The following ENOX2 variants were observed in gnomAD, a reference collection of about 807,000 sequenced individuals.
ENOX2 encodes APK1 antigen.
Under a neutral mutation model 45.0 loss-of-function variants are expected in ENOX2, and 36 were observed. The observed-to-expected ratio is 0.80, with a 90% CI of 0.61 to 1.06. The LOEUF (loss-of-function observed/expected upper bound fraction) is 1.06, where lower values mean the gene tolerates loss of function less well. Among genes scored for constraint, ENOX2 ranks in the 50% least tolerant of loss-of-function variants. The pLI, the probability that ENOX2 is intolerant of heterozygous loss-of-function variation, is 0.00. For synonymous variants in ENOX2, 174 were observed against 152.3 expected (o/e 1.14, Z -1.05); for missense variants, 423 against 462.5 (o/e 0.91, Z 0.78).
chrX:130,813,749 AC>A (rs1401940601), intron 2 of ENOX2, among the ~76,000 whole-genome samples: 5 of 111,995 alleles, frequency 4.5e-5, no homozygotes, highest in African/African-American at 1.6e-4. Context: ...GGTCTTCACA[AC>A]CCGCAGACAA....
chrX:130,875,744 G>A (rs1014167005), intron 2 of ENOX2, among the ~76,000 whole-genome samples: 3 of 111,572 alleles, frequency 2.7e-5, no homozygotes, highest in Non-Finnish European at 5.7e-5. Context: ...AAGTTAAGCA[G>A]TGGTTTATTA....
chrX:130,681,608 T>A (rs1256516091), intron 5 of ENOX2, among the ~76,000 whole-genome samples: 1 of 111,746 alleles, frequency 8.9e-6, no homozygotes, highest in Non-Finnish European at 1.9e-5. Flanking sequence ...ACTGACTGTA[T>A]AACCTTGGGA....
chrX:130,781,787 T>C (rs933073402), intron 3 of ENOX2, among the ~76,000 whole-genome samples: 5 of 110,991 alleles, frequency 4.5e-5, no homozygotes, highest in African/African-American at 1.3e-4. Flanking sequence ...GGTTTTGTTG[T>C]TGTTGTTGTT....
At chrX:130,666,868 A>G (rs980864471) in intron 8 of ENOX2, among the ~76,000 whole-genome samples, 1 of 112,075 alleles carries the variant, frequency 8.9e-6, no homozygotes, top group Non-Finnish European at 1.9e-5. Context: ...TCTTACTGAA[A>G]AAATAAGAGT....
At chrX:130,901,223 G>A in intron 2 of ENOX2, among the ~76,000 whole-genome samples, 1 of 112,523 alleles carries the variant, frequency 8.9e-6, no homozygotes, top group Non-Finnish European at 1.9e-5. Flanking sequence ...CAACTGGAAA[G>A]TCAAGAACAA....
intron 6 of ENOX2, among the ~76,000 whole-genome samples, chrX:130,675,160 T>C (rs1245159977): frequency 9.0e-6 from 1 of 110,878 alleles, no homozygotes; most frequent in East Asian, 2.8e-4. Context: ...GGTCAAATGG[T>C]ATTTCTAGTT....
intron 13 of ENOX2, among the ~76,000 whole-genome samples, chrX:130,628,620 C>G (rs1279130805): frequency 8.9e-6 from 1 of 112,503 alleles, no homozygotes; most frequent in Non-Finnish European, 1.9e-5. Flanking sequence ...TTGTGAACAG[C>G]TCTGTAAAGA....
intron 2 of ENOX2, among the ~76,000 whole-genome samples, chrX:130,844,367 T>C (rs1221640928): frequency 9.0e-6 from 1 of 111,279 alleles, no homozygotes; most frequent in African/African-American, 3.3e-5. Context: ...GGCCACTATA[T>C]TTTGTGCATG....
intron 6 of ENOX2, among the ~76,000 whole-genome samples, chrX:130,670,632 C>T (rs1487810360): frequency 9.1e-6 from 1 of 109,559 alleles, no homozygotes; most frequent in African/African-American, 3.3e-5. Flanking sequence ...TATACTATCA[C>T]AAAGATTTTG....
At chrX:130,722,286 C>A (rs183761358) in intron 3 of ENOX2, among the ~76,000 whole-genome samples, 6 of 112,037 alleles carry the variant, frequency 5.4e-5, no homozygotes, top group Admixed American at 2.8e-4. Context: ...CCAGGGGCAG[C>A]ATTTCTCAGA....
intron 2 of ENOX2, among the ~76,000 whole-genome samples, chrX:130,862,596 G>A (rs1480309531): frequency 2.7e-5 from 3 of 110,549 alleles, no homozygotes; most frequent in Non-Finnish European, 5.7e-5. Flanking sequence ...GGGTGTATGT[G>A]GGTGGGTGTG....
chrX:130,720,370 G>A (rs1205826297), intron 3 of ENOX2, among the ~76,000 whole-genome samples: 8 of 112,606 alleles, frequency 7.1e-5, no homozygotes, highest in Non-Finnish European at 7.5e-5. Flanking sequence ...AAGAATTTGG[G>A]TTATAAAGGG....
intron 2 of ENOX2, among the ~76,000 whole-genome samples, chrX:130,787,645 T>C (rs1316967658): frequency 1.8e-5 from 2 of 111,829 alleles, no homozygotes; most frequent in Non-Finnish European, 3.8e-5. Flanking sequence ...ATTATAATTA[T>C]GCTTGCCCTT....
chrX:130,878,263 T>C (rs1345781025), intron 2 of ENOX2, among the ~76,000 whole-genome samples: 5 of 112,217 alleles, frequency 4.5e-5, no homozygotes, highest in Non-Finnish European at 9.4e-5. Flanking sequence ...TTTCCTTTTA[T>C]TTTAACTAGC....
Position 130,631,615 on chromosome X carries a change from T to C in ENOX2, c.1420-39A>G, listed in dbSNP as rs371735728. The C allele has an allele frequency of 6.4e-5, 53 of 821,857 alleles. No homozygotes were observed. The African/African-American group carries it at 9.9e-4, about 15-fold the overall frequency. The allele number at this position is 821,857 out of a possible 1,213,427, so 67.7% of individuals were successfully genotyped here. A position where few individuals can be genotyped will look rare whatever the true frequency, so the allele number is the denominator to read the frequency against. ...ATGCTTCTAGGTCAGTTCACTTTAT[T>C]TGGCAATAGAGTTGGTTTCAATTAA... On this transcript the variant is annotated intron_variant, in intron 12 of 14. Coordinates refer to ENST00000394363, the MANE Select transcript of ENOX2 (RefSeq NM_006375.4).
intron 3 of ENOX2, among the ~76,000 whole-genome samples, chrX:130,777,843 G>GT (rs1379351687): frequency 8.9e-6 from 1 of 111,925 alleles, no homozygotes; most frequent in Non-Finnish European, 1.9e-5. Context: ...TGATCCTCCA[G>GT]TTTTCAAGAT....
At chrX:130,689,348 C>T (rs1360829580) in intron 4 of ENOX2, among the ~76,000 whole-genome samples, 1 of 111,392 alleles carries the variant, frequency 9.0e-6, no homozygotes, top group East Asian at 2.8e-4. Context: ...TCCGAGAAGG[C>T]TTTTTACTGT....
chrX:130,733,542 C>CA (rs1444472529), intron 3 of ENOX2, among the ~76,000 whole-genome samples: 1 of 111,793 alleles, frequency 8.9e-6, no homozygotes, highest in African/African-American at 3.3e-5. Flanking sequence ...TTTATAATAG[C>CA]AAAAAACTGG....
intron 2 of ENOX2, among the ~76,000 whole-genome samples, chrX:130,820,056 G>A (rs1489207968): frequency 8.9e-6 from 1 of 111,794 alleles, no homozygotes; most frequent in East Asian, 2.8e-4. Context: ...GAAAACATTC[G>A]CAAACCATTT....
Sources: allele counts gnomAD v4.1 joint callset (sites outside exome capture counted in the v4.1 genomes callset), GRCh38; gene constraint gnomAD v4.1.1; transcripts MANE v1.5; gene names NCBI Gene and HGNC (gene_info 2026-07-23, HGNC 2026-07-21).